EXOC4: variants seen among roughly 807,000 people sequenced by gnomAD.
EXOC4 encodes exocyst complex component 4, also known as SEC8-like 1.
Under a neutral mutation model 107.2 loss-of-function variants are expected in EXOC4, and 71 were observed. The ratio of observed to expected loss-of-function variants is 0.66; its 90% CI spans 0.55 to 0.81. The LOEUF (loss-of-function observed/expected upper bound fraction) is 0.81. Ranked by LOEUF, EXOC4 falls within the 30% of genes least tolerant of loss-of-function variation. The probability of loss-of-function intolerance (pLI) is 0.00; values close to 1 mark genes in which losing one functional copy is unlikely to be tolerated. For missense variants in EXOC4, 1,108 were observed against 1,189.6 expected (o/e 0.93, Z 1.01); for synonymous variants, 456 against 441.2 (o/e 1.03, Z -0.42).
intron 4 of EXOC4, among the ~76,000 whole-genome samples, chr7:133,315,689 A>G (rs1007541825): frequency 1.3e-5 from 2 of 152,234 alleles, no homozygotes; most frequent in Non-Finnish European, 2.9e-5. Context: ...AGTTTAGGCT[A>G]GGAACTTACA....
rs138219039 is a variant in EXOC4 at position 133,600,058 on chromosome 7, G to C, written c.1418-29987G>C. Among the ~76,000 whole-genome samples, 971 of 151,900 alleles carry C rather than the reference G, an allele frequency of 6.4e-3. 8 individuals are homozygous for C. Among genetic ancestry groups the C allele is most frequent in the Non-Finnish European group, 9.8e-3 (665 of 67,950 alleles). ...TGGGACTACAGGTGGGTGCTACTGT[G>C]CCTGTGTAATTTTTTGTATTTTTAG... On this transcript the variant is annotated intron_variant, in intron 9 of 17. Transcript: ENST00000253861.
chr7:133,793,808 C>T (rs1796754868), intron 10 of EXOC4, among the ~76,000 whole-genome samples: 1 of 151,816 alleles, frequency 6.6e-6, no homozygotes, highest in African/African-American at 2.4e-5. Context: ...CGCGCCTCTG[C>T]ACTACAACCT....
chr7:133,759,243 G>A (rs191983867), intron 10 of EXOC4, among the ~76,000 whole-genome samples: 33 of 150,478 alleles, frequency 2.2e-4, no homozygotes, highest in Admixed American at 6.6e-4. Flanking sequence ...TTTATCTCCC[G>A]AAGTTTTGGG....
chr7:133,804,394 A>C (rs1234268486), intron 10 of EXOC4, among the ~76,000 whole-genome samples: 1 of 152,192 alleles, frequency 6.6e-6, no homozygotes, highest in Non-Finnish European at 1.5e-5. Context: ...GTGCATTCAG[A>C]ACACTTTGCC....
intron 10 of EXOC4, among the ~76,000 whole-genome samples, chr7:133,791,807 A>G (rs573741450): frequency 1.3e-5 from 2 of 152,350 alleles, no homozygotes; most frequent in Admixed American, 1.3e-4. Flanking sequence ...AAAATAGATC[A>G]GGTTCCTTTA....
intron 9 of EXOC4, among the ~76,000 whole-genome samples, chr7:133,593,621 C>T (rs998498515): frequency 6.6e-6 from 1 of 152,180 alleles, no homozygotes; most frequent in African/African-American, 2.4e-5. Flanking sequence ...TTATAGAACT[C>T]TCTCCTGATT....
intron 2 of EXOC4, among the ~76,000 whole-genome samples, chr7:133,283,961 C>T (rs1158212101): frequency 6.6e-6 from 1 of 152,150 alleles, no homozygotes; most frequent in Non-Finnish European, 1.5e-5. Flanking sequence ...TAACATTTTT[C>T]ATGACTGTGA....
chr7:133,338,466 G>A lies in EXOC4; in HGVS notation c.764-17864G>A, dbSNP rs984983911. On this transcript the variant is annotated intron_variant, in intron 5 of 17. Coordinates refer to ENST00000253861, the MANE Select transcript of EXOC4 (RefSeq NM_021807.4). ...AAATTAGCCGGGCGCGGTGGCGGGC[G>A]CCTGTAGTCCCAGCTACTCGGGAGG... Among the ~76,000 whole-genome samples, 16 of 149,068 alleles carry A rather than the reference G, an allele frequency of 1.1e-4. No homozygotes were observed. The East Asian group carries it at 1.8e-3, about 17-fold the overall frequency.
intron 7 of EXOC4, among the ~76,000 whole-genome samples, chr7:133,428,655 A>G (rs1019531067): frequency 1.3e-5 from 2 of 152,252 alleles, no homozygotes; most frequent in South Asian, 2.1e-4. Context: ...AACGGATTCA[A>G]TAATTGTGGC....
At chr7:133,834,698 C>T (rs1797881823) in intron 11 of EXOC4, among the ~76,000 whole-genome samples, 1 of 152,176 alleles carries the variant, frequency 6.6e-6, no homozygotes, top group Non-Finnish European at 1.5e-5. Context: ...CAACAGCCAG[C>T]ATGACAAGAA....
chr7:133,825,983 C>G (rs770817732), intron 11 of EXOC4, among the ~76,000 whole-genome samples: 15 of 152,138 alleles, frequency 9.9e-5, no homozygotes, highest in Non-Finnish European at 1.5e-4. Context: ...ACTTATCACT[C>G]ATAGTTTTGA....
At chr7:134,036,716 A>G (rs1342832027) in intron 17 of EXOC4, among the ~76,000 whole-genome samples, 2 of 152,200 alleles carry the variant, frequency 1.3e-5, no homozygotes, top group Non-Finnish European at 1.5e-5. Flanking sequence ...TTACATTTAC[A>G]TATGTAGATA....
At chr7:134,007,443 A>T (rs987758868) in intron 16 of EXOC4, among the ~76,000 whole-genome samples, 4 of 152,222 alleles carry the variant, frequency 2.6e-5, no homozygotes, top group Admixed American at 2.0e-4. Context: ...AGATGTGGCT[A>T]TTACCAGGCT....
At position 133,882,244 on chromosome 7, in the gene EXOC4, A is replaced by G. The variant is rs114319815; in HGVS notation, c.1735-13355A>G. ...GTATGAATATGTCACAGTTTTATTT[A>G]TCTGCTCTACTGTTGATGGACATTT... is the stretch of plus-strand genomic sequence containing the variant. On this transcript the variant is annotated intron_variant, in intron 11 of 17. Coordinates refer to ENST00000253861, the MANE Select transcript of EXOC4 (RefSeq NM_021807.4). Among the ~76,000 whole-genome samples, 366 of 152,274 alleles carry G rather than the reference A, an allele frequency of 2.4e-3. 5 individuals are homozygous for G. The highest frequency in any genetic ancestry group is 8.2e-3 in the African/African-American group (342 of 41,556).
At chr7:133,404,877 C>CA (rs1367773423) in intron 7 of EXOC4, among the ~76,000 whole-genome samples, 1 of 65,512 alleles carries the variant, frequency 1.5e-5, no homozygotes, top group African/African-American at 6.7e-5. Flanking sequence ...CTGCGCCCCC[C>CA]CCCCCAATAC....
At chr7:133,377,911 G>A (rs1149555) in intron 7 of EXOC4, among the ~76,000 whole-genome samples, 128,959 of 152,214 alleles carry the variant, frequency 0.85, 54,891 homozygotes, top group East Asian at 0.94. Context: ...AGAATTTTGT[G>A]TTACCGAAAA....
the EXOC4 span, among the ~76,000 whole-genome samples, chr7:134,086,753 T>G: frequency 4.6e-5 from 7 of 152,006 alleles, no homozygotes; most frequent in Admixed American, 1.3e-4. Flanking sequence ...ATTAAGAAAG[T>G]AGAGGAATAA....
intron 9 of EXOC4, among the ~76,000 whole-genome samples, chr7:133,603,946 A>C (rs906463729): frequency 6.6e-6 from 1 of 152,138 alleles, no homozygotes; most frequent in Non-Finnish European, 1.5e-5. Flanking sequence ...CACAGTGTAC[A>C]GCTGTACAAA....
At chr7:133,561,129 G>A (rs752368859) in intron 9 of EXOC4, among the ~76,000 whole-genome samples, 3 of 152,136 alleles carry the variant, frequency 2.0e-5, no homozygotes, top group Non-Finnish European at 4.4e-5. Context: ...TCAGTAAAAC[G>A]AAAGCTGTTT....
Sources: gnomAD v4.1 joint callset for allele counts (sites outside exome capture counted in the v4.1 genomes callset) on GRCh38, gnomAD v4.1.1 for gene constraint, MANE v1.5 for transcripts, NCBI Gene and HGNC (gene_info 2026-07-23, HGNC 2026-07-21) for gene names.